Variants in RAD51B observed in about 807,000 individuals in gnomAD.
The protein encoded by RAD51B is RAD51 paralog B.
A neutral mutation model predicts 42.2 loss-of-function variants in RAD51B; 38 were observed. That is an observed-to-expected ratio of 0.90 (90% CI 0.70 to 1.18). RAD51B has a LOEUF of 1.18. Among genes scored for constraint, RAD51B ranks in the 50% most tolerant of loss-of-function variants. The pLI is 0.00. For synonymous variants in RAD51B, 154 were observed against 145.2 expected, an observed-to-expected ratio of 1.06 and a Z score of -0.43; for missense variants, 373 against 400.7, an observed-to-expected ratio of 0.93 and a Z score of 0.59.
intron 8 of RAD51B, among the ~76,000 whole-genome samples, chr14:68,407,353 G>T (rs1156584454): frequency 1.3e-5 from 2 of 152,112 alleles, no homozygotes; most frequent in Non-Finnish European, 1.5e-5. Flanking sequence ...CATATAATAA[G>T]ATCAAGTATT....
intron 10 of RAD51B, among the ~76,000 whole-genome samples, chr14:68,470,012 T>C (rs1208845221): frequency 6.6e-6 from 1 of 152,172 alleles, no homozygotes; most frequent in Non-Finnish European, 1.5e-5. Context: ...GAGAAAGTTA[T>C]TTAGAGAAAG....
intron 7 of RAD51B, among the ~76,000 whole-genome samples, chr14:68,204,309 G>T (rs2079545003): frequency 6.6e-6 from 1 of 152,070 alleles, no homozygotes; most frequent in Non-Finnish European, 1.5e-5. Context: ...CCAAGGAGTG[G>T]GAAAAAGATG....
chr14:68,047,353 G>A (rs1250036815), intron 7 of RAD51B, among the ~76,000 whole-genome samples: 1 of 152,088 alleles, frequency 6.6e-6, no homozygotes, highest in East Asian at 1.9e-4. Flanking sequence ...GGGCAATAAA[G>A]CCTTCTATCT....
chr14:68,576,261 A>G (rs1889956995), intron 10 of RAD51B, among the ~76,000 whole-genome samples: 1 of 152,240 alleles, frequency 6.6e-6, no homozygotes, highest in African/African-American at 2.4e-5. Context: ...CCTAGCACTC[A>G]GCCCCAGGGG....
intron 8 of RAD51B, among the ~76,000 whole-genome samples, chr14:68,295,670 C>T (rs1001885702): frequency 6.6e-6 from 1 of 152,120 alleles, no homozygotes; most frequent in African/African-American, 2.4e-5. Flanking sequence ...CACTTGTATT[C>T]CCTCCTCTGC....
chr14:68,360,658 T>C (rs2083006096), intron 8 of RAD51B, among the ~76,000 whole-genome samples: 1 of 152,242 alleles, frequency 6.6e-6, no homozygotes, highest in African/African-American at 2.4e-5. Context: ...GTGATACCTT[T>C]CCTCACTCAT....
At chr14:68,211,169 C>G (rs1475038393) in intron 7 of RAD51B, among the ~76,000 whole-genome samples, 2 of 152,182 alleles carry the variant, frequency 1.3e-5, no homozygotes, top group African/African-American at 4.8e-5. Flanking sequence ...GTAGGCATGT[C>G]TAAAATCATT....
chr14:68,508,399 A>G (rs1166181172), intron 10 of RAD51B, among the ~76,000 whole-genome samples: 1 of 152,178 alleles, frequency 6.6e-6, no homozygotes, highest in Non-Finnish European at 1.5e-5. Context: ...GGGGACAGCA[A>G]TGGAAATAGA....
intron 10 of RAD51B, among the ~76,000 whole-genome samples, chr14:68,528,234 A>T (rs1402307352): frequency 6.6e-6 from 1 of 152,230 alleles, no homozygotes; most frequent in African/African-American, 2.4e-5. Flanking sequence ...AACTTCAGCC[A>T]TTGAGAATGA....
chr14:68,469,873 G>A (rs539735063), intron 10 of RAD51B, among the ~76,000 whole-genome samples: 2 of 152,316 alleles, frequency 1.3e-5, no homozygotes, highest in South Asian at 2.1e-4. Context: ...TGATCACTAG[G>A]CATTTTGTTA....
chr14:68,454,445 T>C (rs2085632904), intron 9 of RAD51B, among the ~76,000 whole-genome samples: 1 of 152,186 alleles, frequency 6.6e-6, no homozygotes, highest in African/African-American at 2.4e-5. Flanking sequence ...CAAGTGACTC[T>C]CAGGAAGAAC....
At chr14:68,147,393 A>G (rs968684465) in intron 7 of RAD51B, among the ~76,000 whole-genome samples, 3 of 152,186 alleles carry the variant, frequency 2.0e-5, no homozygotes, top group Non-Finnish European at 2.9e-5. Flanking sequence ...GGACCTGTCT[A>G]TGGGAACTTC....
chr14:68,486,674 G>A (rs1219462593), intron 10 of RAD51B, among the ~76,000 whole-genome samples: 1 of 152,208 alleles, frequency 6.6e-6, no homozygotes, highest in Admixed American at 6.5e-5. Context: ...GTTTAAGCTG[G>A]ACTCAGGATC....
At chr14:67,926,102 T>C (rs1301506887) in intron 7 of RAD51B, among the ~76,000 whole-genome samples, 1 of 152,206 alleles carries the variant, frequency 6.6e-6, no homozygotes, top group East Asian at 1.9e-4. Context: ...GGATTAACAT[T>C]TGGCCCCTTA....
At chr14:68,021,159 T>G (rs2075857926) in intron 7 of RAD51B, among the ~76,000 whole-genome samples, 1 of 152,198 alleles carries the variant, frequency 6.6e-6, no homozygotes. Context: ...ACCCTTTTGT[T>G]TTTTTCACAT....
At chr14:68,523,720 C>A (rs1886741155) in intron 10 of RAD51B, among the ~76,000 whole-genome samples, 1 of 152,106 alleles carries the variant, frequency 6.6e-6, no homozygotes, top group African/African-American at 2.4e-5. Flanking sequence ...GGGGGACTGC[C>A]CCTTAGTATA....
At chr14:68,387,705 TTAAA>T (rs2083628015) in intron 8 of RAD51B, among the ~76,000 whole-genome samples, 2 of 152,176 alleles carry the variant, frequency 1.3e-5, no homozygotes, top group South Asian at 4.1e-4. Flanking sequence ...GGAACCAGTG[TTAAA>T]TAACATTAAG....
Position 68,583,603 on chromosome 14 carries a change from C to G in RAD51B, c.1037-10882C>G, listed in dbSNP as rs146067226. Reference sequence around the variant, plus strand: ...ATGTGGTGGCCTTGGGGGAGCCCGCCTGGGCTGGTTTCAGACCCTGGCTCC... The same window carrying G: ...ATGTGGTGGCCTTGGGGGAGCCCGCGTGGGCTGGTTTCAGACCCTGGCTCC... On this transcript the variant is annotated intron_variant, in intron 10 of 10. Coordinates refer to the RAD51B transcript ENST00000487270. 2.6e-3 allele frequency among the ~76,000 whole-genome samples: 392 copies of G among 152,326 alleles called. 1 individual carries two copies. Among genetic ancestry groups the G allele is most frequent in the Non-Finnish European group, 4.0e-3 (270 of 68,024 alleles).
At chr14:68,592,187 G>A (rs1890775511) in intron 10 of RAD51B, among the ~76,000 whole-genome samples, 1 of 151,978 alleles carries the variant, frequency 6.6e-6, no homozygotes, top group South Asian at 2.1e-4. Flanking sequence ...ATGGGGAATG[G>A]CTAAACCCCA....
Sources: gnomAD v4.1 joint callset for allele counts (sites outside exome capture counted in the v4.1 genomes callset) on GRCh38, gnomAD v4.1.1 for gene constraint, MANE v1.5 for transcripts, NCBI Gene and HGNC (gene_info 2026-07-23, HGNC 2026-07-21) for gene names.